The following AGBL4 variants were observed in gnomAD, a reference collection of about 807,000 sequenced individuals.
AGBL4 encodes the protein cytosolic carboxypeptidase 6.
In AGBL4, 58 loss-of-function variants were observed where a neutral mutation model predicts 66.4. The ratio of observed to expected loss-of-function variants is 0.87; its 90% CI spans 0.71 to 1.09. The LOEUF is 1.09. Among genes scored for constraint, AGBL4 ranks in the 50% least tolerant of loss-of-function variants. AGBL4 has a pLI of 0.00. For missense variants in AGBL4, 579 were observed against 631.0 expected (o/e 0.92, Z 0.88); for synonymous variants, 234 against 222.9 (o/e 1.05, Z -0.44).
At chr1:48,929,429 G>GC (rs1178417088) in intron 5 of AGBL4, among the ~76,000 whole-genome samples, 2 of 151,858 alleles carry the variant, frequency 1.3e-5, no homozygotes, top group South Asian at 2.1e-4. Flanking sequence ...CTTCCTTCCT[G>GC]CCCCCCTTTT....
At chr1:49,766,919 A>C (rs921605506) in intron 2 of AGBL4, among the ~76,000 whole-genome samples, 1 of 152,160 alleles carries the variant, frequency 6.6e-6, no homozygotes, top group Non-Finnish European at 1.5e-5. Context: ...TAAATTTAGA[A>C]TGTACACAAT....
chr1:48,806,093 C>T (rs961679301), intron 6 of AGBL4, among the ~76,000 whole-genome samples: 18 of 152,124 alleles, frequency 1.2e-4, no homozygotes, highest in African/African-American at 4.1e-4. Context: ...TTGCAATATT[C>T]GGTTCAGCAA....
chr1:49,107,694 T>TGAGAGA lies in AGBL4; in HGVS notation c.378-61900_378-61895dup, dbSNP rs56321932. Among the ~76,000 whole-genome samples, 790 of 113,962 alleles carry TGAGAGA rather than the reference T, an allele frequency of 6.9e-3. 4 individuals carry two copies. The highest frequency in any genetic ancestry group is 0.015 in the East Asian group (52 of 3,570). 74.8% of individuals were successfully genotyped at this position (113,962 alleles called of 152,430 possible). A position where few individuals can be genotyped will look rare whatever the true frequency, so the allele number is the denominator to read the frequency against. On this transcript the variant is annotated intron_variant, in intron 4 of 13. Coordinates refer to ENST00000371839, the MANE Select transcript of AGBL4 (RefSeq NM_032785.4). ...GTGTATGTGTGTGTGTGTGTGTGTG[T>TGAGAGA]GAGAGAGAGAGAGAGAGAGAGAGAG...
At chr1:49,106,304 T>A (rs1481385608) in intron 4 of AGBL4, among the ~76,000 whole-genome samples, 1 of 152,194 alleles carries the variant, frequency 6.6e-6, no homozygotes, top group African/African-American at 2.4e-5. Context: ...ACTCCAATCA[T>A]CAGCAGAAAC....
At chr1:49,069,730 C>T (rs1644562483) in intron 4 of AGBL4, among the ~76,000 whole-genome samples, 2 of 151,808 alleles carry the variant, frequency 1.3e-5, no homozygotes, top group African/African-American at 4.9e-5. Flanking sequence ...TTTTTGGTTC[C>T]ATATGAACTT....
intron 1 of AGBL4, among the ~76,000 whole-genome samples, chr1:49,914,188 T>TA (rs1420891958): frequency 6.6e-6 from 1 of 152,242 alleles, no homozygotes; most frequent in Non-Finnish European, 1.5e-5. Context: ...CTTTTGATTA[T>TA]AAATTGTGTC....
intron 6 of AGBL4, among the ~76,000 whole-genome samples, chr1:48,663,949 T>A (rs1439923156): frequency 6.6e-6 from 1 of 152,204 alleles, no homozygotes; most frequent in African/African-American, 2.4e-5. Flanking sequence ...CTGGCCTTCA[T>A]TTCCCTTTTA....
intron 6 of AGBL4, among the ~76,000 whole-genome samples, chr1:48,710,365 G>A (rs1646946869): frequency 6.6e-6 from 1 of 151,872 alleles, no homozygotes; most frequent in Admixed American, 6.5e-5. Context: ...TTTCCCAGCT[G>A]AGAAAGAAGC....
At chr1:49,416,189 TAA>T (rs1243151954) in intron 3 of AGBL4, among the ~76,000 whole-genome samples, 1 of 152,094 alleles carries the variant, frequency 6.6e-6, no homozygotes, top group Non-Finnish European at 1.5e-5. Flanking sequence ...CTAGTCAAAT[TAA>T]GAGTTAAAAA....
At chr1:49,656,764 T>A (rs1301247565) in intron 3 of AGBL4, among the ~76,000 whole-genome samples, 1 of 152,194 alleles carries the variant, frequency 6.6e-6, no homozygotes, top group Non-Finnish European at 1.5e-5. Flanking sequence ...ACCACACGAT[T>A]ATCTCAACAG....
intron 1 of AGBL4, among the ~76,000 whole-genome samples, chr1:49,937,429 A>T (rs1345312302): frequency 3.9e-5 from 6 of 152,112 alleles, no homozygotes; most frequent in Admixed American, 3.3e-4. Flanking sequence ...CAGACAGATC[A>T]ACGAGACAGA....
chr1:48,658,103 C>T (rs569349729), intron 7 of AGBL4, among the ~76,000 whole-genome samples: 2 of 152,284 alleles, frequency 1.3e-5, no homozygotes, highest in Non-Finnish European at 2.9e-5. Context: ...TCTATTGGCT[C>T]CATTTCACAG....
chr1:49,700,081 G>A (rs1320965569), intron 2 of AGBL4, among the ~76,000 whole-genome samples: 1 of 151,400 alleles, frequency 6.6e-6, no homozygotes, highest in Non-Finnish European at 1.5e-5. Context: ...TCAACTATAT[G>A]TTGCTTATAA....
At chr1:49,583,405 A>G (rs1431241795) in intron 3 of AGBL4, among the ~76,000 whole-genome samples, 1 of 152,220 alleles carries the variant, frequency 6.6e-6, no homozygotes, top group African/African-American at 2.4e-5. Flanking sequence ...ACCAGTAAAT[A>G]TAAGTAAGTG....
chr1:49,163,940 T>C (rs1456141104), intron 4 of AGBL4, among the ~76,000 whole-genome samples: 2 of 152,048 alleles, frequency 1.3e-5, no homozygotes, highest in Non-Finnish European at 2.9e-5. Flanking sequence ...GGTTTATGCA[T>C]GTTTGGAGGC....
chr1:49,852,703 G>A (rs977303268), intron 1 of AGBL4, among the ~76,000 whole-genome samples: 2 of 152,088 alleles, frequency 1.3e-5, no homozygotes, highest in African/African-American at 4.8e-5. Flanking sequence ...AACATTCCCA[G>A]AGAATACTAT....
chr1:48,846,132 G>C (rs1307470136), intron 6 of AGBL4, among the ~76,000 whole-genome samples: 1 of 152,042 alleles, frequency 6.6e-6, no homozygotes, highest in Admixed American at 6.6e-5. Context: ...TATCATCAGA[G>C]AGAATTCAGG....
chr1:49,561,263 TA>T (rs1275132471), intron 3 of AGBL4, among the ~76,000 whole-genome samples: 2 of 151,822 alleles, frequency 1.3e-5, no homozygotes, highest in South Asian at 2.1e-4. Context: ...AAAAATTGTA[TA>T]TTTTTTGCTT....
At chr1:48,931,801 G>A (rs1167216150) in intron 5 of AGBL4, among the ~76,000 whole-genome samples, 1 of 152,130 alleles carries the variant, frequency 6.6e-6, no homozygotes, top group East Asian at 1.9e-4. Context: ...GAGTCACTGT[G>A]CCTGGCCTCT....
Sources: allele counts gnomAD v4.1 joint callset (sites outside exome capture counted in the v4.1 genomes callset), GRCh38; gene constraint gnomAD v4.1.1; transcripts MANE v1.5; gene names NCBI Gene and HGNC (gene_info 2026-07-23, HGNC 2026-07-21).